PTPRD: variants seen among roughly 807,000 people sequenced by gnomAD.
PTPRD encodes the protein receptor-type tyrosine-protein phosphatase delta.
Under a neutral mutation model 214.5 loss-of-function variants are expected in PTPRD, and 34 were observed. The observed-to-expected ratio is 0.16, with a 90% CI of 0.12 to 0.21. PTPRD has a LOEUF of 0.21. Ranked by LOEUF, PTPRD falls within the 10% of genes least tolerant of loss-of-function variation. The pLI, the probability that PTPRD is intolerant of heterozygous loss-of-function variation, is 1.00. For synonymous variants in PTPRD, 1,128 were observed against 845.7 expected (o/e 1.33, Z -5.79); for missense variants, 2,545 against 2,398.7 (o/e 1.06, Z -1.27).
chr9:10,448,020 T>C (rs73408164), intron 2 of PTPRD, among the ~76,000 whole-genome samples: 1 of 151,972 alleles, frequency 6.6e-6, no homozygotes, highest in Non-Finnish European at 1.5e-5. Context: ...GTGTGTATAA[T>C]GTGTGTAGCT....
At chr9:9,308,505 A>C (rs2135340012) in intron 9 of PTPRD, among the ~76,000 whole-genome samples, 1 of 152,324 alleles carries the variant, frequency 6.6e-6, no homozygotes, top group East Asian at 1.9e-4. Flanking sequence ...GAGAAGCATA[A>C]GATGAACTTT....
intron 7 of PTPRD, among the ~76,000 whole-genome samples, chr9:9,691,289 C>A (rs1251725911): frequency 6.6e-6 from 1 of 152,026 alleles, no homozygotes; most frequent in African/African-American, 2.4e-5. Context: ...CACACTCCCA[C>A]TACCCTTCCT....
chr9:9,416,743 A>T (rs2077108823), intron 8 of PTPRD, among the ~76,000 whole-genome samples: 1 of 152,130 alleles, frequency 6.6e-6, no homozygotes, highest in Non-Finnish European at 1.5e-5. Context: ...CCCATTTGAT[A>T]GGCAGGAATA....
intron 3 of PTPRD, among the ~76,000 whole-genome samples, chr9:10,099,746 T>A (rs890703442): frequency 8.6e-5 from 13 of 151,556 alleles, no homozygotes; most frequent in African/African-American, 2.9e-4. Flanking sequence ...AATAAAAGAG[T>A]GTGGAAGTGG....
intron 4 of PTPRD, among the ~76,000 whole-genome samples, chr9:9,943,896 G>T (rs1474288047): frequency 6.6e-6 from 1 of 152,096 alleles, no homozygotes; most frequent in Non-Finnish European, 1.5e-5. Context: ...TCTGCAAATT[G>T]CCCTAAGCTG....
chr9:9,491,237 C>T (rs1041785106), intron 8 of PTPRD, among the ~76,000 whole-genome samples: 1 of 151,704 alleles, frequency 6.6e-6, no homozygotes, highest in Non-Finnish European at 1.5e-5. Flanking sequence ...AATTTCAATA[C>T]AGCACTAATA....
At chr9:9,269,469 A>G (rs766680319) in intron 9 of PTPRD, among the ~76,000 whole-genome samples, 36 of 151,450 alleles carry the variant, frequency 2.4e-4, no homozygotes, top group Admixed American at 4.0e-4. Flanking sequence ...AATAAAAATA[A>G]GACTACCATA....
rs191233259 is a variant in PTPRD at position 8,396,992 on chromosome 9, G to A, written c.4210+7545C>T. ...ATTAAACTTCATCACAGTTGCAAAC[G>A]ATTAACTTGAAAATAGAAAAACTGA... On this transcript the variant is annotated intron_variant, in intron 36 of 45. Transcript: ENST00000381196. Among the ~76,000 whole-genome samples, 212 of 152,184 alleles carry A rather than the reference G, an allele frequency of 1.4e-3. 1 individual carries two copies. The highest frequency in any genetic ancestry group is 4.6e-3 in the African/African-American group (190 of 41,526).
chr9:10,545,232 A>G (rs1286378005), intron 2 of PTPRD, among the ~76,000 whole-genome samples: 4 of 152,180 alleles, frequency 2.6e-5, no homozygotes, highest in Non-Finnish European at 2.9e-5. Flanking sequence ...GACTTTACTC[A>G]AAAGGTACTG....
chr9:9,322,758 G>A (rs1434376345), intron 9 of PTPRD, among the ~76,000 whole-genome samples: 2 of 152,094 alleles, frequency 1.3e-5, no homozygotes, highest in East Asian at 1.9e-4. Context: ...AAGGGTCTAT[G>A]ACATCTAGTA....
intron 2 of PTPRD, among the ~76,000 whole-genome samples, chr9:10,441,887 G>A (rs1205271675): frequency 6.6e-6 from 1 of 151,494 alleles, no homozygotes; most frequent in Non-Finnish European, 1.5e-5. Context: ...ATACCTATTA[G>A]TAAATTACAA....
chr9:9,280,676 C>T (rs1418551264), intron 9 of PTPRD, among the ~76,000 whole-genome samples: 1 of 151,258 alleles, frequency 6.6e-6, no homozygotes, highest in Non-Finnish European at 1.5e-5. Flanking sequence ...AATAAGAAGA[C>T]TCATTAATGT....
intron 11 of PTPRD, among the ~76,000 whole-genome samples, chr9:8,840,242 G>C (rs900708736): frequency 2.6e-5 from 4 of 152,140 alleles, no homozygotes; most frequent in African/African-American, 9.7e-5. Flanking sequence ...CGTGTTGTAG[G>C]AGATACCTGG....
intron 3 of PTPRD, among the ~76,000 whole-genome samples, chr9:10,082,063 G>C (rs2098247437): frequency 6.6e-6 from 1 of 152,008 alleles, no homozygotes; most frequent in South Asian, 2.1e-4. Context: ...TCTGTGTGTA[G>C]GTGACTTGGT....
In PTPRD at chr9:8,706,245, T is replaced by G. The variant is rs113397436; in HGVS notation, c.64+27535A>C. 5.3e-3 allele frequency among the ~76,000 whole-genome samples: 804 copies of G among 152,334 alleles called. 10 individuals carry two copies. Among genetic ancestry groups the G allele is most frequent in the African/African-American group, 0.018 (762 of 41,574 alleles). ...ACCAAGCTTACTACGGAAGTTCTTC[T>G]GAAATTAGATATAATAGGATTTTCA... On this transcript the variant is annotated intron_variant, in intron 12 of 45. Transcript: ENST00000381196.
At chr9:9,653,843 T>C (rs1352176602) in intron 7 of PTPRD, among the ~76,000 whole-genome samples, 2 of 152,198 alleles carry the variant, frequency 1.3e-5, no homozygotes, top group Non-Finnish European at 2.9e-5. Context: ...TAAAGACAAA[T>C]TAGATTTATT....
chr9:10,428,732 T>C (rs1173448027), intron 2 of PTPRD, among the ~76,000 whole-genome samples: 2 of 152,102 alleles, frequency 1.3e-5, no homozygotes, highest in South Asian at 4.1e-4. Context: ...GAATATTCTA[T>C]TTGGTCCATG....
chr9:9,041,822 A>G (rs948412663), intron 10 of PTPRD, among the ~76,000 whole-genome samples: 1 of 152,200 alleles, frequency 6.6e-6, no homozygotes, highest in African/African-American at 2.4e-5. Context: ...TAGGACTCCT[A>G]AATCCCAGCT....
intron 35 of PTPRD, among the ~76,000 whole-genome samples, chr9:8,412,937 G>C (rs931014159): frequency 6.6e-6 from 1 of 152,064 alleles, no homozygotes; most frequent in African/African-American, 2.4e-5. Context: ...TACATAAGTA[G>C]ATTCAAAAGA....
Sources: gnomAD v4.1 joint callset for allele counts (sites outside exome capture counted in the v4.1 genomes callset) on GRCh38, gnomAD v4.1.1 for gene constraint, MANE v1.5 for transcripts, NCBI Gene and HGNC (gene_info 2026-07-23, HGNC 2026-07-21) for gene names.